The following MRRF variants were observed in gnomAD, a reference collection of about 807,000 sequenced individuals.
The protein encoded by MRRF is ribosome-recycling factor, mitochondrial.
A neutral mutation model predicts 25.1 loss-of-function variants in MRRF; 18 were observed. The observed-to-expected ratio is 0.72, with a 90% confidence interval of 0.50 to 1.06. The LOEUF (loss-of-function observed/expected upper bound fraction) is 1.06. Ranked by LOEUF, MRRF falls within the 50% of genes least tolerant of loss-of-function variation. MRRF has a pLI of 0.00. For missense variants in MRRF, 323 were observed against 319.3 expected (o/e 1.01, Z -0.09); for synonymous variants, 113 against 112.1 (o/e 1.01, Z -0.05).
chr9:122,329,751 G>C lies in MRRF; in HGVS notation c.*7134G>C, dbSNP rs1836234481. Reference sequence around the variant, plus strand: ...CAGATGTGGCAAATGTTCCAGGCTGGCCTCACCCGGGTCTCTAGACACTTG... The same window carrying C: ...CAGATGTGGCAAATGTTCCAGGCTGCCCTCACCCGGGTCTCTAGACACTTG... On this transcript the variant is annotated 3_prime_UTR_variant, in exon 7 of 7. Coordinates refer to ENST00000344641, the MANE Select transcript of MRRF (RefSeq NM_138777.5). The C allele has an allele frequency of 3.3e-5, 5 of 152,378 alleles. 1 individual carries two copies. In the South Asian group the frequency reaches 1.0e-3, roughly 32 times the overall value. The allele number at this position is 152,378 out of a possible 1,614,324, so 9.4% of individuals were successfully genotyped here.
At chr9:122,266,620 G>T (rs1403128093) in intron 1 of MRRF, among the ~76,000 whole-genome samples, 5 of 152,192 alleles carry the variant, frequency 3.3e-5, no homozygotes, top group Non-Finnish European at 7.3e-5. Context: ...CACACTCATA[G>T]AAGTGCTTAT....
chr9:122,278,985 GC>G (rs1256638634), intron 2 of MRRF, among the ~76,000 whole-genome samples: 1 of 151,740 alleles, frequency 6.6e-6, no homozygotes, highest in African/African-American at 2.4e-5. Context: ...CGATTCTCCT[GC>G]CCCAGCCTCC....
chr9:122,294,026 G>A (rs1833936784), intron 5 of MRRF, among the ~76,000 whole-genome samples: 1 of 152,208 alleles, frequency 6.6e-6, no homozygotes, highest in Non-Finnish European at 1.5e-5. Context: ...GACGTTAGAA[G>A]CAAGATTTAC....
At chr9:122,317,394 T>G (rs933680427) in intron 6 of MRRF, among the ~76,000 whole-genome samples, 8 of 152,098 alleles carry the variant, frequency 5.3e-5, no homozygotes, top group Admixed American at 2.6e-4. Context: ...AATCCATACA[T>G]TTCTGATTTA....
intron 6 of MRRF, among the ~76,000 whole-genome samples, chr9:122,320,064 G>C (rs1471035061): frequency 1.3e-5 from 2 of 151,358 alleles, no homozygotes; most frequent in East Asian, 3.9e-4. Flanking sequence ...TTTTAGAGAT[G>C]GGGTTTCCCC....
intron 5 of MRRF, among the ~76,000 whole-genome samples, chr9:122,300,023 A>G (rs898686536): frequency 2.0e-5 from 3 of 152,070 alleles, no homozygotes; most frequent in Admixed American, 6.6e-5. Context: ...GGGGAGAGGG[A>G]GCAGGAGTAG....
chr9:122,287,094 G>A (rs933515640), intron 4 of MRRF, among the ~76,000 whole-genome samples: 8 of 152,190 alleles, frequency 5.3e-5, no homozygotes, highest in Non-Finnish European at 8.8e-5. Flanking sequence ...ACTTTCTTAA[G>A]GAAGCCTTTC....
At chr9:122,316,130 A>G (rs1438185037) in intron 6 of MRRF, among the ~76,000 whole-genome samples, 3 of 152,174 alleles carry the variant, frequency 2.0e-5, no homozygotes, top group Admixed American at 6.5e-5. Flanking sequence ...GTATCATACA[A>G]TTTATATGAT....
At chr9:122,316,439 G>T (rs972726404) in intron 6 of MRRF, among the ~76,000 whole-genome samples, 2 of 152,076 alleles carry the variant, frequency 1.3e-5, no homozygotes, top group African/African-American at 2.4e-5. Context: ...GCCCCCCAAA[G>T]TGCTGGGATT....
At chr9:122,295,278 A>C (rs531328339) in intron 5 of MRRF, among the ~76,000 whole-genome samples, 1 of 152,196 alleles carries the variant, frequency 6.6e-6, no homozygotes, top group Non-Finnish European at 1.5e-5. Flanking sequence ...TAGGAGCATC[A>C]TTCCTTTTTA....
At chr9:122,307,502 C>T (rs1187700738) in intron 5 of MRRF, among the ~76,000 whole-genome samples, 2 of 152,206 alleles carry the variant, frequency 1.3e-5, no homozygotes, top group East Asian at 3.9e-4. Context: ...TCACCACTCG[C>T]ATCCTATTCT....
At chr9:122,285,375 T>G in intron 4 of MRRF, 88 bp downstream of exon 4, 1 of 854,144 alleles carries the variant, frequency 1.2e-6, no homozygotes, top group Non-Finnish European at 2.1e-6. Flanking sequence ...TTCCTTCAGC[T>G]TAGGATGAAA....
At chr9:122,304,392 A>C (rs1244158089) in intron 5 of MRRF, among the ~76,000 whole-genome samples, 1 of 152,172 alleles carries the variant, frequency 6.6e-6, no homozygotes, top group Non-Finnish European at 1.5e-5. Context: ...TTAGGAGTGC[A>C]TCTTGCTATT....
Position 122,328,663 on chromosome 9 carries a change from T to C in MRRF, c.*6046T>C, listed in dbSNP as rs1303271425. ...ACATTTATTTATAATAGTGATATGT[T>C]TAGTAGAACCCATTTACTTTTTCTT... On this transcript the variant is annotated 3_prime_UTR_variant, in exon 7 of 7. Transcript: ENST00000344641. 6.6e-6 allele frequency: 1 copy of C among 152,210 alleles called. No homozygotes were observed. The highest frequency in any genetic ancestry group is 1.5e-5 in the Non-Finnish European group (1 of 68,046). The allele number at this position is 152,210 out of a possible 1,614,324, so 9.4% of individuals were successfully genotyped here.
chr9:122,277,008 G>A (rs577262663), intron 2 of MRRF, among the ~76,000 whole-genome samples: 6 of 151,930 alleles, frequency 3.9e-5, no homozygotes, highest in South Asian at 2.1e-4. Context: ...CTACAGGCAC[G>A]CACGGCCATG....
chr9:122,299,101 A>T (rs1309726732), intron 5 of MRRF, among the ~76,000 whole-genome samples: 2 of 151,896 alleles, frequency 1.3e-5, no homozygotes, highest in Non-Finnish European at 2.9e-5. Flanking sequence ...AGAGAAATAG[A>T]AGATGAGGGC....
At chr9:122,280,357 T>C in intron 2 of MRRF, 86 bp from the exon 3 acceptor site, 2 of 1,415,482 alleles carry the variant, frequency 1.4e-6, no homozygotes, top group Non-Finnish European at 2.0e-6. Context: ...CATTTTTCCC[T>C]GTACATAGTA....
At chr9:122,269,177 AAAT>A (rs1025167417) in intron 1 of MRRF, among the ~76,000 whole-genome samples, 47 of 150,956 alleles carry the variant, frequency 3.1e-4, no homozygotes, top group Middle Eastern at 3.4e-3. Flanking sequence ...AAAAAAAAAA[AAAT>A]AATAATAATA....
At position 122,313,330 on chromosome 9, in the gene MRRF, C is replaced by T. The variant is rs1300337720; in HGVS notation, c.655C>T (p.Leu219=). The T allele has an allele frequency of 6.2e-7, 1 of 1,614,102 alleles. No homozygotes were observed. Among genetic ancestry groups the T allele is most frequent in the Non-Finnish European group, 8.5e-7 (1 of 1,179,962 alleles). The part of the protein sequence containing the change: ...RKVRTNSMNK[L]KKSKDTVSED... ...GGTTCGCACCAACTCAATGAACAAG[C>T]TGAAGAAATCCAAGGATACAGTCTC... The change falls in exon 6 of 7, where the codon CTG becomes TTG. Residue 219 remains leucine, a synonymous_variant. Coordinates refer to ENST00000344641, the MANE Select transcript of MRRF (RefSeq NM_138777.5).
Sources: allele counts gnomAD v4.1 joint callset (sites outside exome capture counted in the v4.1 genomes callset), GRCh38; gene constraint gnomAD v4.1.1; transcripts MANE v1.5; gene names NCBI Gene and HGNC (gene_info 2026-07-23, HGNC 2026-07-21).